STX11: variants seen among roughly 807,000 people sequenced by gnomAD.
STX11 encodes syntaxin-11.
A neutral mutation model predicts 19.9 loss-of-function variants in STX11; 21 were observed. The ratio of observed to expected loss-of-function variants is 1.06; its 90% CI spans 0.75 to 1.52. STX11 has a LOEUF of 1.52. Among genes scored for constraint, STX11 ranks in the 40% most tolerant of loss-of-function variants. The pLI is 0.00. For missense variants in STX11, 438 were observed against 405.9 expected, an observed-to-expected ratio of 1.08 and a Z score of -0.68; for synonymous variants, 193 against 174.4, an observed-to-expected ratio of 1.11 and a Z score of -0.84.
rs1584065494 is a variant in STX11, at chr6:144,188,419, A to C, written c.*928A>C. ...GCTTGTTTTGAGTTTGTTTCACTCC[A>C]GTTTGCCCCTTCCTAGTCCAGTTTG... On this transcript the variant is annotated 3_prime_UTR_variant, in exon 2 of 2. Coordinates refer to ENST00000367568, the MANE Select transcript of STX11 (RefSeq NM_003764.4). 1 of 224,420 alleles carries C rather than the reference A, an allele frequency of 4.5e-6. No individual in the cohort carries two copies. The allele number at this position is 224,420 out of a possible 1,614,324, so 13.9% of individuals were successfully genotyped here. A position where few individuals can be genotyped will look rare whatever the true frequency, so the allele number is the denominator to read the frequency against.
chr6:144,186,382 T>C (rs1802033535), intron 1 of STX11, among the ~76,000 whole-genome samples: 1 of 152,088 alleles, frequency 6.6e-6, no homozygotes, highest in African/African-American at 2.4e-5. Flanking sequence ...TCTGCGCGGC[T>C]ATGATATTGA....
intron 1 of STX11, among the ~76,000 whole-genome samples, chr6:144,163,782 GC>G (rs1221043074): frequency 6.6e-6 from 1 of 152,020 alleles, no homozygotes; most frequent in Non-Finnish European, 1.5e-5. Flanking sequence ...ACTGTGCCTG[GC>G]CCCAAAATTT....
chr6:144,150,465 G>C (rs936982516), upstream of STX11: 20 of 979,794 alleles, frequency 2.0e-5, no homozygotes, highest in Non-Finnish European at 2.4e-5. Context: ...GCGGGGCCTG[G>C]TCCCCAGCTG....
At chr6:144,145,764 AG>A (rs1405750080), upstream of STX11, among the ~76,000 whole-genome samples, 1 of 152,226 alleles carries the variant, frequency 6.6e-6, no homozygotes, top group Non-Finnish European at 1.5e-5. Flanking sequence ...ATGTTAGTAA[AG>A]AAAAAAAAGT....
intron 1 of STX11, among the ~76,000 whole-genome samples, chr6:144,158,872 C>CT (rs1801250330): frequency 6.6e-6 from 1 of 152,330 alleles, no homozygotes; most frequent in African/African-American, 2.4e-5. Flanking sequence ...GTTTCTTACA[C>CT]TTTCCAGGCT....
the STX11 span, among the ~76,000 whole-genome samples, chr6:144,143,578 G>A: frequency 2.6e-5 from 4 of 152,066 alleles, no homozygotes; most frequent in Non-Finnish European, 5.9e-5. Flanking sequence ...GGGCATACAC[G>A]AACTTCTATT....
At chr6:144,178,335 C>T (rs539637931) in intron 1 of STX11, among the ~76,000 whole-genome samples, 11 of 152,282 alleles carry the variant, frequency 7.2e-5, no homozygotes, top group East Asian at 1.9e-4. Context: ...TGCTGAGTAC[C>T]GCATTTGGCA....
the STX11 span, among the ~76,000 whole-genome samples, chr6:144,143,321 A>G: frequency 3.3e-5 from 5 of 152,204 alleles, no homozygotes; most frequent in Non-Finnish European, 5.9e-5. Context: ...ACTATGCTCT[A>G]GCTACTAATT....
rs1801098429 is a variant in STX11 at position 144,155,019 on chromosome 6, T to G, written c.-6+4316T>G. Among the ~76,000 whole-genome samples the G allele has an allele frequency of 6.6e-6, 1 of 152,156 alleles. No individual in the cohort carries two copies. The highest frequency in any genetic ancestry group is 1.5e-5 in the Non-Finnish European group (1 of 68,026). ...ATAATTCAACCTACCCTGACTTGGA[T>G]TAATATCCTGATTTTTGTTCAGCAA... On this transcript the variant is annotated intron_variant, in intron 1 of 1. Coordinates refer to ENST00000367568, the MANE Select transcript of STX11 (RefSeq NM_003764.4). This position sits in a 1 kb window ranked among gnomAD's most constrained non-coding sequence, Gnocchi z 4.5.
At position 144,184,194 on chromosome 6, in the gene STX11, A is replaced by G. The variant is rs1562668798; in HGVS notation, c.-5-2429A>G. Among the ~76,000 whole-genome samples, 1 of 152,224 alleles carries G rather than the reference A, an allele frequency of 6.6e-6. No homozygotes were observed. The highest frequency in any genetic ancestry group is 1.5e-5 in the Non-Finnish European group (1 of 68,040). ...GTGTCTTTATAATAGAATGATTTAT[A>G]TTCCTTTGGGTATATACCCAGTAAT... On this transcript the variant is annotated intron_variant, in intron 1 of 1. Transcript: ENST00000367568. This position sits in a 1 kb window ranked among gnomAD's most constrained non-coding sequence, Gnocchi z 6.5.
In STX11 at chr6:144,190,146, A is replaced by G. The variant is rs1802179471; in HGVS notation, c.*2655A>G. Among the ~76,000 whole-genome samples, 1 of 152,276 alleles carries G rather than the reference A, an allele frequency of 6.6e-6. No individual in the cohort carries two copies. Among genetic ancestry groups the G allele is most frequent in the African/African-American group, 2.4e-5 (1 of 41,560 alleles). The stretch of plus-strand genomic sequence containing the variant: ...GAACTGTTACCTATAGGGAAAGAAC[A>G]CTTCTTCTTCCTGCTGTTTGGGAAC... On this transcript the variant is annotated 3_prime_UTR_variant, in exon 2 of 2. Transcript: ENST00000367568.
At chr6:144,140,772 G>A in the STX11 span, 3 of 985,202 alleles carry the variant, frequency 3.0e-6, no homozygotes, top group African/African-American at 5.2e-5. Context: ...TGGATGAAGG[G>A]GAGGAAGAAG....
chr6:144,166,366 A>C (rs2128750445), intron 1 of STX11, among the ~76,000 whole-genome samples: 1 of 152,342 alleles, frequency 6.6e-6, no homozygotes, highest in East Asian at 1.9e-4. Flanking sequence ...AGATGCTTCA[A>C]GATTTTCACA....
the STX11 span, among the ~76,000 whole-genome samples, chr6:144,141,942 A>G: frequency 6.6e-6 from 1 of 151,964 alleles, no homozygotes; most frequent in African/African-American, 2.4e-5. Flanking sequence ...TCTGCCTCCT[A>G]AAGTGCTGGG....
At chr6:144,156,719 G>A (rs1801179550) in intron 1 of STX11, among the ~76,000 whole-genome samples, 1 of 152,102 alleles carries the variant, frequency 6.6e-6, no homozygotes, top group African/African-American at 2.4e-5. Flanking sequence ...GAGATAAGTA[G>A]GACATAGTGT....
At position 144,172,419 on chromosome 6, in the gene STX11, A is replaced by G. The variant is rs1281358850; in HGVS notation, c.-5-14204A>G. On this transcript the variant is annotated intron_variant, in intron 1 of 1. Transcript: ENST00000367568. This position sits in a 1 kb window ranked among gnomAD's most constrained non-coding sequence, Gnocchi z 4.2. ...TGGTTTCAGTGTTCCCAGAGCAGAT[A>G]AGCCCCAAGGTGCTAGTGCTGTTGA... Among the ~76,000 whole-genome samples, 1 of 152,100 alleles carries G rather than the reference A, an allele frequency of 6.6e-6. No individual in the cohort carries two copies. Among genetic ancestry groups the G allele is most frequent in the East Asian group, 1.9e-4 (1 of 5,194 alleles).
Position 144,187,286 on chromosome 6 carries a change from G to A in STX11, c.659G>A (p.Arg220His). The A allele has an allele frequency of 1.2e-6, 2 of 1,612,934 alleles. No homozygotes were observed. Among genetic ancestry groups the A allele is most frequent in the Non-Finnish European group, 1.7e-6 (2 of 1,179,956 alleles). ...CGCGAACTGCTGCGCCTGGAGAGCC[G>A]CATCCGCGACGTACACGAGCTCTTC... ...RHRELLRLES[R>H]IRDVHELFLQ... is the part of the protein sequence containing the mutation. The change falls in exon 2 of 2, where the codon CGC becomes CAC. Residue 220 changes from arginine to histidine, a missense_variant. Transcript: ENST00000367568. The surrounding 1 kb of genome is among the most constrained non-coding windows in gnomAD (Gnocchi z 5.6).
chr6:144,166,543 T>C (rs1470204444), intron 1 of STX11, among the ~76,000 whole-genome samples: 62 of 149,614 alleles, frequency 4.1e-4, no homozygotes, highest in African/African-American at 1.5e-3. Flanking sequence ...TTTTTTTTTT[T>C]TGAGAAAGAG....
rs1801020728 is a variant in STX11, at chr6:144,152,054, A to G, written c.-6+1351A>G. ...GAACCTTGCTTGTACAACCATGAAT[A>G]ATAGGATCCTGCCGGCAAGGTACTA... On this transcript the variant is annotated intron_variant, in intron 1 of 1. Transcript: ENST00000367568. This position sits in a 1 kb window ranked among gnomAD's most constrained non-coding sequence, Gnocchi z 4.9. 6.6e-6 allele frequency among the ~76,000 whole-genome samples: 1 copy of G among 152,082 alleles called. No homozygotes were observed. The highest frequency in any genetic ancestry group is 2.1e-4 in the South Asian group (1 of 4,818).
Sources: allele counts gnomAD v4.1 joint callset (sites outside exome capture counted in the v4.1 genomes callset), GRCh38; gene constraint gnomAD v4.1.1; non-coding constraint Gnocchi (gnomAD v3.1); transcripts MANE v1.5; gene names NCBI Gene and HGNC (gene_info 2026-07-23, HGNC 2026-07-21).